Variants in TDRD9 observed in about 807,000 individuals in gnomAD.
TDRD9 encodes tudor domain containing 9.
In TDRD9, 124 loss-of-function variants were observed where a neutral mutation model predicts 172.6. The observed-to-expected ratio is 0.72, with a 90% CI of 0.62 to 0.83. TDRD9 has a LOEUF of 0.83. Among genes scored for constraint, TDRD9 ranks in the 40% least tolerant of loss-of-function variants. The probability of loss-of-function intolerance (pLI) is 0.00; values close to 1 mark genes in which losing one functional copy is unlikely to be tolerated. For missense variants in TDRD9, 1,479 were observed against 1,714.1 expected, an observed-to-expected ratio of 0.86 and a Z score of 2.42; for synonymous variants, 619 against 617.1, an observed-to-expected ratio of 1.00 and a Z score of -0.05.
chr14:104,043,966 G>A (rs1049256323), intron 34 of TDRD9, among the ~76,000 whole-genome samples: 3 of 152,154 alleles, frequency 2.0e-5, no homozygotes, highest in Non-Finnish European at 4.4e-5. Flanking sequence ...GGGGCTCGTC[G>A]CCATGTGTGG....
chr14:103,981,671 T>G (rs2033478667), intron 7 of TDRD9, among the ~76,000 whole-genome samples: 1 of 152,216 alleles, frequency 6.6e-6, no homozygotes, highest in East Asian at 1.9e-4. Context: ...CCTCCTAGCC[T>G]ACCTTGAATG....
intron 29 of TDRD9, among the ~76,000 whole-genome samples, chr14:104,031,784 G>C (rs61997593): frequency 0.51 from 77,528 of 151,422 alleles, 21,136 homozygotes; most frequent in South Asian, 0.63. Context: ...TTGTCCAAAG[G>C]CTTTCTTAAC....
chr14:103,937,223 C>T (rs1029722958), intron 1 of TDRD9, among the ~76,000 whole-genome samples: 3 of 152,200 alleles, frequency 2.0e-5, no homozygotes, highest in African/African-American at 7.2e-5. Flanking sequence ...CTAGGCTTGG[C>T]GAGCGTTCCT....
At chr14:104,008,506 T>G (rs986401464) in intron 20 of TDRD9, 40 bp downstream of exon 20, 2 of 1,261,068 alleles carry the variant, frequency 1.6e-6, no homozygotes, top group Non-Finnish European at 2.3e-6. Flanking sequence ...CAAATAAAGT[T>G]GACTTATGAA....
rs751592615 is a variant in TDRD9, at chr14:103,947,390, C to T, written c.216-8274C>T. On this transcript the variant is annotated intron_variant, in intron 1 of 35. Coordinates refer to ENST00000409874, the MANE Select transcript of TDRD9 (RefSeq NM_153046.3). Reference sequence around the variant, plus strand: ...TGTCGCCCAGGCTGAAGTGCAGTGGCGATTTCTACTCACTGCAAGCTCTGT... The same window carrying T: ...TGTCGCCCAGGCTGAAGTGCAGTGGTGATTTCTACTCACTGCAAGCTCTGT... 7.3e-5 allele frequency among the ~76,000 whole-genome samples: 11 copies of T among 151,468 alleles called. No individual in the cohort carries two copies. The South Asian group carries it at 1.0e-3, about 14-fold the overall frequency.
chr14:103,984,821 T>TG (rs1045405243), intron 7 of TDRD9, among the ~76,000 whole-genome samples: 3 of 152,082 alleles, frequency 2.0e-5, no homozygotes, highest in African/African-American at 7.2e-5. Context: ...AGACATTCAA[T>TG]GCCAGCCCAT....
intron 14 of TDRD9, 138 bp downstream of exon 14, chr14:104,004,473 G>A (rs1270541900): frequency 4.2e-6 from 2 of 476,684 alleles, no homozygotes; most frequent in African/African-American, 3.9e-5. Context: ...CTGCCTCCCG[G>A]GTTTACGCGA....
chr14:103,942,286 A>C (rs1221512952), intron 1 of TDRD9: 2 of 152,296 alleles, frequency 1.3e-5, no homozygotes, highest in African/African-American at 2.4e-5. Flanking sequence ...TGATGTCTTC[A>C]TTTGGAGAGA....
At position 104,022,461 on chromosome 14, in the gene TDRD9, C is replaced by T. The variant is rs1717099468; in HGVS notation, c.2606+131C>T. On this transcript the variant is annotated intron_variant, in intron 24 of 35. Coordinates refer to ENST00000409874, the MANE Select transcript of TDRD9 (RefSeq NM_153046.3). ...GCACTGGCTTGGCTGGGTGTGGGGG[C>T]TCACGCCACTCATCCAGCACTTTGC... 7.6e-6 allele frequency: 7 copies of T among 915,322 alleles called. No individual in the cohort carries two copies. The Admixed American group carries it at 2.1e-4, about 27-fold the overall frequency. The allele number at this position is 915,322 out of a possible 1,614,324, so 56.7% of individuals were successfully genotyped here. A position where few individuals can be genotyped will look rare whatever the true frequency, so the allele number is the denominator to read the frequency against.
At position 103,979,568 on chromosome 14, in the gene TDRD9, C is replaced by T. The variant is rs2033389291; in HGVS notation, c.1011+4015C>T. ...CCAATAACAGTGAGAACTCAGTCTC[C>T]CCAAGGGAGGGCATTAATCTATTCA... is the stretch of plus-strand genomic sequence containing the variant. On this transcript the variant is annotated intron_variant, in intron 7 of 35. Coordinates refer to ENST00000409874, the MANE Select transcript of TDRD9 (RefSeq NM_153046.3). Among the ~76,000 whole-genome samples, 4 of 152,254 alleles carry T rather than the reference C, an allele frequency of 2.6e-5. No homozygotes were observed. The South Asian group carries it at 8.3e-4, about 32-fold the overall frequency.
At chr14:103,956,206 G>A (rs564516873) in intron 2 of TDRD9, among the ~76,000 whole-genome samples, 5 of 142,186 alleles carry the variant, frequency 3.5e-5, no homozygotes, top group East Asian at 2.0e-4. Context: ...TTGGGAGGCC[G>A]AGGCAGGTGG....
intron 7 of TDRD9, among the ~76,000 whole-genome samples, chr14:103,985,841 A>C (rs1476176947): frequency 7.9e-5 from 12 of 152,160 alleles, no homozygotes; most frequent in African/African-American, 2.9e-4. Context: ...GGGGTTTGAC[A>C]GAGGGGAAGG....
Position 103,986,298 on chromosome 14 carries a change from G to T in TDRD9, c.1093G>T (p.Asp365Tyr). Reference protein sequence around the residue: ...VAVSLIQMFDDLDMKESGNKA... With the variant: ...VAVSLIQMFDYLDMKESGNKA... ...TGTCTCTCTCATTCAGATGTTTGATGACTTGGATATGAAGGAGAGTGGGTA... is the reference window on the plus strand; with the variant it reads ...TGTCTCTCTCATTCAGATGTTTGATTACTTGGATATGAAGGAGAGTGGGTA... Residue 365 changes from aspartate (D) to tyrosine (Y), a missense_variant, in exon 8 of 36, where the codon GAC (aspartate) becomes TAC (tyrosine). Physicochemically the swap from Asp to Tyr is radical, Grantham distance 160. Coordinates refer to ENST00000409874, the MANE Select transcript of TDRD9 (RefSeq NM_153046.3). 2 of 1,612,918 alleles carry T rather than the reference G, an allele frequency of 1.2e-6. No individual in the cohort carries two copies. The highest frequency in any genetic ancestry group is 2.2e-5 in the South Asian group (2 of 90,918).
At position 104,016,046 on chromosome 14, in the gene TDRD9, G is replaced by A. The variant is rs1353238655; in HGVS notation, c.2289G>A (p.Ala763=). Residue 763 remains alanine, a synonymous_variant, in exon 22 of 36, where the codon GCG becomes GCA. Coordinates refer to ENST00000409874, the MANE Select transcript of TDRD9 (RefSeq NM_153046.3). ...FTFGQPDEEM[A]VRELAGKDPK... ...TTGGACAGCCGGATGAGGAGATGGCGGTGAGGGAGCTGGCTGGCAAGGACC... is the reference window on the plus strand; with the variant it reads ...TTGGACAGCCGGATGAGGAGATGGCAGTGAGGGAGCTGGCTGGCAAGGACC... 16 of 1,604,192 alleles carry A rather than the reference G, an allele frequency of 1.0e-5. No homozygotes were observed. The East Asian group carries it at 1.1e-4, about 11-fold the overall frequency.
intron 32 of TDRD9, among the ~76,000 whole-genome samples, chr14:104,037,739 T>C (rs1207865030): frequency 6.6e-6 from 1 of 152,180 alleles, no homozygotes; most frequent in Non-Finnish European, 1.5e-5. Context: ...CCTTCACTTG[T>C]AGTTGGCCCC....
At chr14:103,937,052 A>G (rs927758209) in intron 1 of TDRD9, among the ~76,000 whole-genome samples, 3 of 152,178 alleles carry the variant, frequency 2.0e-5, no homozygotes, top group Admixed American at 2.0e-4. Flanking sequence ...TGATTGCACC[A>G]CTGCACGCCT....
intron 6 of TDRD9, among the ~76,000 whole-genome samples, chr14:103,972,956 G>A (rs1319535871): frequency 6.6e-6 from 1 of 152,168 alleles, no homozygotes; most frequent in Non-Finnish European, 1.5e-5. Flanking sequence ...GACCTTTCTT[G>A]AATGTCATTT....
chr14:104,038,843 T>C (rs1371418298), intron 32 of TDRD9, among the ~76,000 whole-genome samples: 1 of 152,144 alleles, frequency 6.6e-6, no homozygotes, highest in Non-Finnish European at 1.5e-5. Context: ...CTAATTTTTG[T>C]ATTTTTAGTA....
intron 2 of TDRD9, among the ~76,000 whole-genome samples, chr14:103,957,673 G>A (rs1182330583): frequency 6.6e-6 from 1 of 152,192 alleles, no homozygotes; most frequent in East Asian, 1.9e-4. Context: ...TGGAAAGAGA[G>A]CCATCATCTA....
Sources: allele counts gnomAD v4.1 joint callset (sites outside exome capture counted in the v4.1 genomes callset), GRCh38; gene constraint gnomAD v4.1.1; transcripts MANE v1.5; gene names NCBI Gene and HGNC (gene_info 2026-07-23, HGNC 2026-07-21).